The following ANK2 variants were observed in gnomAD, a reference collection of about 807,000 sequenced individuals.
ANK2 encodes ankyrin 2.
Under a neutral mutation model 360.5 loss-of-function variants are expected in ANK2, and 83 were observed. The observed-to-expected ratio is 0.23, with a 90% CI of 0.19 to 0.28. The LOEUF is 0.28. Among genes scored for constraint, ANK2 ranks in the 10% least tolerant of loss-of-function variants. The pLI is 1.00. For synonymous variants in ANK2, 1,740 were observed against 1,759.5 expected (o/e 0.99, Z 0.28); for missense variants, 4,201 against 4,795.7 (o/e 0.88, Z 3.66).
intron 2 of ANK2, among the ~76,000 whole-genome samples, chr4:112,960,299 T>C (rs901190653): frequency 7.9e-5 from 12 of 152,120 alleles, no homozygotes; most frequent in African/African-American, 2.9e-4. Context: ...AGATGACATG[T>C]ATGCAGGGTG....
At chr4:112,987,948 G>C (rs1222471767) in intron 2 of ANK2, among the ~76,000 whole-genome samples, 1 of 152,000 alleles carries the variant, frequency 6.6e-6, no homozygotes, top group Non-Finnish European at 1.5e-5. Context: ...GTGTGCAACG[G>C]CATAAGATAT....
intron 18 of ANK2, among the ~76,000 whole-genome samples, chr4:113,283,280 A>G (rs2063114420): frequency 6.6e-6 from 1 of 152,152 alleles, no homozygotes; most frequent in Non-Finnish European, 1.5e-5. Flanking sequence ...TCTGGGGTTT[A>G]GCTTAAACAA....
chr4:112,794,963 A>G, the ANK2 span, among the ~76,000 whole-genome samples: 4 of 152,214 alleles, frequency 2.6e-5, no homozygotes, highest in African/African-American at 4.8e-5. Context: ...AGATGATAAC[A>G]TGTTTGTTAT....
At chr4:113,191,667 A>G (rs894791938) in intron 2 of ANK2, among the ~76,000 whole-genome samples, 4 of 152,222 alleles carry the variant, frequency 2.6e-5, no homozygotes, top group Non-Finnish European at 5.9e-5. Flanking sequence ...TACTGTTTGC[A>G]TGTAACTGGG....
At chr4:113,361,118 T>C (rs554751376) in intron 39 of ANK2, among the ~76,000 whole-genome samples, 5 of 152,228 alleles carry the variant, frequency 3.3e-5, no homozygotes, top group East Asian at 3.8e-4. Flanking sequence ...AACTTTCTAT[T>C]TGAAGATTTA....
the ANK2 span, among the ~76,000 whole-genome samples, chr4:112,768,076 G>A: frequency 1.3e-5 from 2 of 152,170 alleles, no homozygotes; most frequent in Admixed American, 6.5e-5. Flanking sequence ...GATTTGTTGA[G>A]TGGCTGTTGT....
the ANK2 span, among the ~76,000 whole-genome samples, chr4:112,753,660 A>C: frequency 1.3e-5 from 2 of 152,202 alleles, no homozygotes; most frequent in East Asian, 3.9e-4. Context: ...CAAGATGGCC[A>C]TGAGAGTGAC....
At chr4:113,157,821 G>A (rs13107430) in intron 1 of ANK2, among the ~76,000 whole-genome samples, 104,238 of 152,060 alleles carry the variant, frequency 0.69, 36,285 homozygotes, top group African/African-American at 0.8. Context: ...TATCAATTTC[G>A]GGTCTGCCAC....
chr4:112,819,758 C>T (rs2056457635), intron 1 of ANK2, among the ~76,000 whole-genome samples: 2 of 152,168 alleles, frequency 1.3e-5, no homozygotes, highest in Admixed American at 1.3e-4. Context: ...TCCCACCCCA[C>T]CCTACTTTCT....
At chr4:112,879,001 A>G (rs979198450) in intron 1 of ANK2, among the ~76,000 whole-genome samples, 1 of 152,184 alleles carries the variant, frequency 6.6e-6, no homozygotes, top group African/African-American at 2.4e-5. Flanking sequence ...TATATTTTCT[A>G]ACCAATGTAA....
At chr4:113,049,626 C>A, upstream of ANK2, 1 of 1,446,552 alleles carries the variant, frequency 6.9e-7, no homozygotes, top group East Asian at 2.8e-5. Flanking sequence ...TTCCCCACCC[C>A]TCCTCCTCCT....
intron 20 of ANK2, among the ~76,000 whole-genome samples, chr4:113,289,757 T>C (rs1456882739): frequency 6.6e-6 from 1 of 152,230 alleles, no homozygotes; most frequent in African/African-American, 2.4e-5. Flanking sequence ...AGATTTAAAC[T>C]TATAATCTTA....
chr4:112,827,280 T>C lies in ANK2; in HGVS notation c.-40+9016T>C, dbSNP rs2058613689. 3.8e-6 allele frequency: 4 copies of C among 1,053,856 alleles called. No homozygotes were observed. In the Admixed American group the frequency reaches 6.7e-5, roughly 18 times the overall value. The allele number at this position is 1,053,856 out of a possible 1,614,324, so 65.3% of individuals were successfully genotyped here. A position where few individuals can be genotyped will look rare whatever the true frequency, so the allele number is the denominator to read the frequency against. ...AAATGTTACTTAAGGCAGCCAAGAGTCATTGTAATAAAGAAGATCCAGAAC... is the reference window on the plus strand; with the variant it reads ...AAATGTTACTTAAGGCAGCCAAGAGCCATTGTAATAAAGAAGATCCAGAAC... On this transcript the variant is annotated intron_variant, in intron 1 of 30. Transcript: ENST00000503271.
At chr4:113,348,232 C>A (rs1200305779) in intron 35 of ANK2, 44 bp from the exon 36 acceptor site, 2 of 1,599,934 alleles carry the variant, frequency 1.3e-6, no homozygotes, top group Admixed American at 1.7e-5. Flanking sequence ...TCTACTCTTC[C>A]TTCTCTCTTT....
At chr4:112,904,606 A>C in intron 2 of ANK2, 1 of 952,576 alleles carries the variant, frequency 1.0e-6, no homozygotes, top group South Asian at 1.7e-5. Context: ...GGTAAAAACA[A>C]TTTTTATGAA....
chr4:113,153,249 C>T (rs2097159872), intron 1 of ANK2, among the ~76,000 whole-genome samples: 1 of 152,080 alleles, frequency 6.6e-6, no homozygotes, highest in Non-Finnish European at 1.5e-5. Context: ...TTGGATCTCT[C>T]ACAAGTCACA....
chr4:113,073,639 TCTC>T (rs961430685), intron 1 of ANK2, among the ~76,000 whole-genome samples: 3 of 151,710 alleles, frequency 2.0e-5, no homozygotes, highest in Admixed American at 6.6e-5. Flanking sequence ...GGCAAGAAAA[TCTC>T]CTAGGTGCAT....
chr4:112,777,617 TC>T, the ANK2 span, among the ~76,000 whole-genome samples: 1 of 127,204 alleles, frequency 7.9e-6, no homozygotes, highest in African/African-American at 3.2e-5. Flanking sequence ...ACATCTATAA[TC>T]TTTTTTTTTT....
At chr4:112,954,361 C>T (rs2095231576) in intron 2 of ANK2, among the ~76,000 whole-genome samples, 1 of 152,028 alleles carries the variant, frequency 6.6e-6, no homozygotes, top group Non-Finnish European at 1.5e-5. Context: ...ATTTTCTGAA[C>T]CAAGGCAAGA....
Sources: allele counts gnomAD v4.1 joint callset (sites outside exome capture counted in the v4.1 genomes callset), GRCh38; gene constraint gnomAD v4.1.1; transcripts MANE v1.5; gene names NCBI Gene and HGNC (gene_info 2026-07-23, HGNC 2026-07-21).